The following CPAP variants were observed in gnomAD, a reference collection of about 807,000 sequenced individuals.
CPAP encodes centrosomal P4.1-associated protein.
the CPAP span, chr13:24,906,766 G>A: frequency 3.3e-5 from 53 of 1,614,128 alleles, no homozygotes; most frequent in Middle Eastern, 1.7e-4. Flanking sequence ...TTTTAAGAGC[G>A]GTTTTCCGCT....
the CPAP span, chr13:24,906,659 A>G: frequency 1.2e-6 from 2 of 1,614,234 alleles, no homozygotes; most frequent in South Asian, 1.1e-5. Context: ...ACTACACTTC[A>G]GCATTTTCGG....
At chr13:24,902,368 G>A in the CPAP span, among the ~76,000 whole-genome samples, 1 of 152,150 alleles carries the variant, frequency 6.6e-6, no homozygotes, top group African/African-American at 2.4e-5. Context: ...GATCTTGGGT[G>A]GAGAACGGAT....
the CPAP span, chr13:24,903,978 C>G: frequency 2.5e-6 from 4 of 1,613,874 alleles, no homozygotes; most frequent in South Asian, 1.1e-5. Flanking sequence ...GCTAAAGATG[C>G]GTTCTCAGCT....
chr13:24,896,350 C>A, the CPAP span, among the ~76,000 whole-genome samples: 1 of 152,248 alleles, frequency 6.6e-6, no homozygotes, highest in Non-Finnish European at 1.5e-5. Flanking sequence ...ATGGGCACAG[C>A]CCAGAGCTGC....
At chr13:24,883,283 G>C in the CPAP span, 2 of 1,613,826 alleles carry the variant, frequency 1.2e-6, no homozygotes, top group Non-Finnish European at 1.7e-6. Context: ...GGTTTTAACA[G>C]TGCCATCTGG....
At chr13:24,890,824 C>G in the CPAP span, among the ~76,000 whole-genome samples, 1 of 152,120 alleles carries the variant, frequency 6.6e-6, no homozygotes, top group African/African-American at 2.4e-5. Flanking sequence ...CCACAGCCTG[C>G]CCTCCATTCG....
At chr13:24,899,735 T>C in the CPAP span, 1 of 693,270 alleles carries the variant, frequency 1.4e-6, no homozygotes, top group South Asian at 1.6e-5. Context: ...ACTAAAGCAT[T>C]CATCCAATAA....
the CPAP span, chr13:24,883,086 A>G: frequency 1.7e-6 from 2 of 1,164,056 alleles, no homozygotes; most frequent in East Asian, 2.3e-5. Flanking sequence ...TTCCCCACAC[A>G]TACACAATAA....
At chr13:24,908,407 T>C in the CPAP span, among the ~76,000 whole-genome samples, 2 of 120,832 alleles carry the variant, frequency 1.7e-5, no homozygotes, top group African/African-American at 6.7e-5. Context: ...GAGCCCAGCC[T>C]GGCCAACGTG....
chr13:24,909,984 G>A, the CPAP span: 22 of 1,614,124 alleles, frequency 1.4e-5, no homozygotes, highest in East Asian at 1.1e-4. Context: ...GGTTGGGTCC[G>A]GGTAGACATA....
the CPAP span, chr13:24,883,919 G>A: frequency 1.2e-6 from 2 of 1,612,710 alleles, no homozygotes; most frequent in South Asian, 1.1e-5. Context: ...AGATGAACAG[G>A]TGTCACACTG....
chr13:24,886,747 A>G, the CPAP span, among the ~76,000 whole-genome samples: 3 of 152,222 alleles, frequency 2.0e-5, no homozygotes, highest in Non-Finnish European at 2.9e-5. Flanking sequence ...CCTTTAGAGA[A>G]AAGACTAGAA....
At chr13:24,906,889 A>G in the CPAP span, 1 of 1,614,212 alleles carries the variant, frequency 6.2e-7, no homozygotes, top group Non-Finnish European at 8.5e-7. Context: ...TAGTAAATCT[A>G]GCTAAACCTT....
At chr13:24,932,806 A>G in the CPAP span, among the ~76,000 whole-genome samples, 2 of 152,362 alleles carry the variant, frequency 1.3e-5, no homozygotes, top group South Asian at 4.1e-4. Context: ...ATCAGCCACA[A>G]AAGCTAGAAA....
At chr13:24,933,931 G>A in the CPAP span, among the ~76,000 whole-genome samples, 1 of 151,400 alleles carries the variant, frequency 6.6e-6, no homozygotes, top group African/African-American at 2.4e-5. Flanking sequence ...TTGCCATGTT[G>A]GCCAGGCTGG....
the CPAP span, chr13:24,889,215 G>T: frequency 1.1e-6 from 1 of 871,014 alleles, no homozygotes. Context: ...TCATTCAAAT[G>T]TTCAAAAACA....
At chr13:24,919,712 G>A in the CPAP span, among the ~76,000 whole-genome samples, 3 of 151,810 alleles carry the variant, frequency 2.0e-5, no homozygotes, top group Admixed American at 1.3e-4. Flanking sequence ...GAGCCCCTGC[G>A]CCCAGTATTT....
At chr13:24,907,455 A>G in the CPAP span, among the ~76,000 whole-genome samples, 1 of 152,236 alleles carries the variant, frequency 6.6e-6, no homozygotes, top group African/African-American at 2.4e-5. Context: ...CACATGGAGT[A>G]ACATATTCAT....
At chr13:24,928,057 A>G in the CPAP span, among the ~76,000 whole-genome samples, 25 of 152,344 alleles carry the variant, frequency 1.6e-4, no homozygotes, top group African/African-American at 5.8e-4. Context: ...AATGTTAATT[A>G]CCTGCAGATT....
Sources: gnomAD v4.1 joint callset for allele counts (sites outside exome capture counted in the v4.1 genomes callset) on GRCh38, gnomAD v4.1.1 for gene constraint, MANE v1.5 for transcripts, NCBI Gene and HGNC (gene_info 2026-07-23, HGNC 2026-07-21) for gene names.